Variants in CD38 observed in about 807,000 individuals in gnomAD.
CD38 encodes ADP-ribosyl cyclase/cyclic ADP-ribose hydrolase 1.
A neutral mutation model predicts 36.3 loss-of-function variants in CD38; 31 were observed. The ratio of observed to expected loss-of-function variants is 0.85; its 90% CI spans 0.64 to 1.15. The LOEUF (loss-of-function observed/expected upper bound fraction) is 1.15, where lower values mean the gene tolerates loss of function less well. Among genes scored for constraint, CD38 ranks in the 50% most tolerant of loss-of-function variants. CD38 has a pLI of 0.00. For synonymous variants in CD38, 131 were observed against 135.2 expected (o/e 0.97, Z 0.22); for missense variants, 380 against 371.9 (o/e 1.02, Z -0.18).
intron 3 of CD38, among the ~76,000 whole-genome samples, chr4:15,832,393 G>C (rs1723976920): frequency 6.6e-6 from 1 of 151,906 alleles, no homozygotes; most frequent in Admixed American, 6.6e-5. Flanking sequence ...GTTTGTACTT[G>C]TCCTTGGAAA....
intron 7 of CD38, 40 bp from the exon 8 acceptor site, chr4:15,848,499 C>G (rs926336976): frequency 1.5e-5 from 23 of 1,513,374 alleles, no homozygotes; most frequent in Non-Finnish European, 2.1e-5. Context: ...CAGATGTATC[C>G]TACGGTCTCT....
At chr4:15,780,518 TCACACACACACACACACACA>T (rs59324393) in intron 1 of CD38, among the ~76,000 whole-genome samples, 8 of 140,116 alleles carry the variant, frequency 5.7e-5, no homozygotes, top group Admixed American at 3.5e-4. Context: ...ATTCTCTCTC[TCACACACACACACACACACA>T]CACACACACA....
intron 4 of CD38, among the ~76,000 whole-genome samples, chr4:15,836,757 A>T (rs1560319810): frequency 2.0e-5 from 3 of 152,174 alleles, no homozygotes; most frequent in African/African-American, 4.8e-5. Flanking sequence ...ACCTAGCTAA[A>T]TCTCTGTCTT....
At chr4:15,795,471 CTCT>C (rs1394284397) in intron 1 of CD38, among the ~76,000 whole-genome samples, 1 of 152,010 alleles carries the variant, frequency 6.6e-6, no homozygotes, top group East Asian at 1.9e-4. Flanking sequence ...CCTCTAATAA[CTCT>C]TCTTTTTTAA....
In CD38 at chr4:15,850,088, C is replaced by T. The variant is rs1724352468; in HGVS notation, c.*1486C>T. 1.3e-5 allele frequency: 2 copies of T among 152,050 alleles called. No individual in the cohort carries two copies. The highest frequency in any genetic ancestry group is 2.9e-5 in the Non-Finnish European group (2 of 68,018). 9.4% of individuals were successfully genotyped at this position (152,050 alleles called of 1,614,324 possible). On this transcript the variant is annotated 3_prime_UTR_variant, in exon 8 of 8. Coordinates refer to ENST00000226279, the MANE Select transcript of CD38 (RefSeq NM_001775.4). ...TTGGGAGGCCGAGACGGGAGGATCG[C>T]CTGAGCTCAGGAGTTTTTACACCAG...
chr4:15,837,471 G>A (rs1274260777), intron 4 of CD38, among the ~76,000 whole-genome samples: 2 of 152,160 alleles, frequency 1.3e-5, no homozygotes, highest in Non-Finnish European at 2.9e-5. Context: ...AGTCCCAGGG[G>A]TTGGGGAGGC....
intron 1 of CD38, among the ~76,000 whole-genome samples, chr4:15,806,851 C>A (rs187224320): frequency 6.6e-6 from 1 of 152,124 alleles, no homozygotes; most frequent in East Asian, 1.9e-4. Flanking sequence ...GCTAACAGAT[C>A]GAGGCTTCTC....
At chr4:15,827,141 G>A (rs905014721) in intron 3 of CD38, among the ~76,000 whole-genome samples, 3 of 152,188 alleles carry the variant, frequency 2.0e-5, no homozygotes, top group African/African-American at 7.2e-5. Flanking sequence ...GAGATAGGAA[G>A]TCTGAGGCAT....
chr4:15,847,524 C>A (rs529940937), intron 7 of CD38, among the ~76,000 whole-genome samples: 4 of 104,420 alleles, frequency 3.8e-5, no homozygotes, highest in Non-Finnish European at 5.4e-5. Context: ...CTAACCTGCA[C>A]AATGTGCACA....
intron 1 of CD38, among the ~76,000 whole-genome samples, chr4:15,795,145 G>A (rs777235711): frequency 7.2e-5 from 11 of 152,052 alleles, no homozygotes; most frequent in Non-Finnish European, 2.9e-5. Flanking sequence ...TAAGGGGGTG[G>A]TGGGAAAAAA....
intron 7 of CD38, 135 bp downstream of exon 7, chr4:15,840,673 C>G: frequency 1.7e-6 from 1 of 600,404 alleles, no homozygotes; most frequent in Non-Finnish European, 3.0e-6. Flanking sequence ...AGATGGCAAC[C>G]TCTGGTGATC....
In CD38 at chr4:15,850,828, T is replaced by A. The variant is rs887919773; in HGVS notation, c.*2226T>A. 2.0e-5 allele frequency: 3 copies of A among 152,206 alleles called. No homozygotes were observed. Among genetic ancestry groups the A allele is most frequent in the Admixed American group, 6.5e-5 (1 of 15,280 alleles). 9.4% of individuals were successfully genotyped at this position (152,206 alleles called of 1,614,324 possible). A position where few individuals can be genotyped will look rare whatever the true frequency, so the allele number is the denominator to read the frequency against. On this transcript the variant is annotated 3_prime_UTR_variant, in exon 8 of 8. Transcript: ENST00000226279. ...GTTGCCATTAGCTCCCCCTGCAGAA[T>A]GTCTTCAGAATCGGGGCCCGGTCAG...
At chr4:15,818,674 C>T (rs938612682) in intron 2 of CD38, among the ~76,000 whole-genome samples, 2 of 152,194 alleles carry the variant, frequency 1.3e-5, no homozygotes, top group African/African-American at 4.8e-5. Context: ...GTCATCTTTG[C>T]TGTTCTGTAG....
chr4:15,782,992 C>T (rs1469593491), intron 1 of CD38, among the ~76,000 whole-genome samples: 1 of 152,160 alleles, frequency 6.6e-6, no homozygotes, highest in African/African-American at 2.4e-5. Flanking sequence ...TTGTTCTTGG[C>T]GTTACCAGGT....
chr4:15,814,945 T>C (rs1251535338), intron 1 of CD38, among the ~76,000 whole-genome samples: 1 of 152,124 alleles, frequency 6.6e-6, no homozygotes, highest in African/African-American at 2.4e-5. Flanking sequence ...TAGCTGGGAT[T>C]ACAGGCATGT....
chr4:15,827,394 A>G (rs1723871396), intron 3 of CD38, among the ~76,000 whole-genome samples: 1 of 152,004 alleles, frequency 6.6e-6, no homozygotes, highest in South Asian at 2.1e-4. Context: ...TCTTCCTTAA[A>G]AAGATCTTCT....
intron 2 of CD38, among the ~76,000 whole-genome samples, chr4:15,823,804 C>T (rs1211901562): frequency 6.6e-6 from 1 of 152,136 alleles, no homozygotes; most frequent in Non-Finnish European, 1.5e-5. Flanking sequence ...CCAGCAATCC[C>T]ATTACTGGGT....
chr4:15,848,552 C>A lies in CD38; in HGVS notation c.853C>A (p.Leu285Ile). 1 of 1,613,650 alleles carries A rather than the reference C, an allele frequency of 6.2e-7. No homozygotes were observed. The highest frequency in any genetic ancestry group is 1.1e-5 in the South Asian group (1 of 91,046). Residue 285 changes from leucine to isoleucine, a missense_variant, in exon 8 of 8, where the codon CTT (leucine) becomes ATT (isoleucine). By Grantham distance (5) the Leu-to-Ile change is conservative. Transcript: ENST00000226279. ...CKNIYRPDKF[L>I]QCVKNPEDSS... is the part of the protein sequence containing the mutation. ...TTCTTGTCATAGACCTGACAAGTTT[C>A]TTCAGTGTGTGAAAAATCCTGAGGA... is the stretch of plus-strand genomic sequence containing the variant.
chr4:15,848,455 A>T, intron 7 of CD38, 84 bp from the exon 8 acceptor site: 1 of 983,226 alleles, frequency 1.0e-6, no homozygotes. Flanking sequence ...GTCGTCGCTA[A>T]AAAAGGGGCT....
Sources: gnomAD v4.1 joint callset for allele counts (sites outside exome capture counted in the v4.1 genomes callset) on GRCh38, gnomAD v4.1.1 for gene constraint, MANE v1.5 for transcripts, NCBI Gene and HGNC (gene_info 2026-07-23, HGNC 2026-07-21) for gene names.